GTPBP6: variants seen among roughly 807,000 people sequenced by gnomAD.
The protein encoded by GTPBP6 is GTP binding protein 6.
A neutral mutation model predicts 28.9 loss-of-function variants in GTPBP6; 33 were observed. That is an observed-to-expected ratio of 1.14 (90% confidence interval 0.87 to 1.53). The LOEUF (loss-of-function observed/expected upper bound fraction) is 1.53. Ranked by LOEUF, GTPBP6 falls within the 40% of genes most tolerant of loss-of-function variation. GTPBP6 has a pLI of 0.00. For synonymous variants in GTPBP6, 231 were observed against 192.7 expected (o/e 1.20, Z -1.65); for missense variants, 507 against 408.3 (o/e 1.24, Z -2.08).
exon 10 of GTPBP6, chrX:305,043 C>T: frequency 6.2e-7 from 1 of 1,608,790 alleles, no homozygotes; most frequent in South Asian, 1.1e-5. Context: ...GCAGCGATGC[C>T]CCCACCCCGC....
chrX:317,724 C>G (rs1292681841), intron 1 of GTPBP6, among the ~76,000 whole-genome samples: 3 of 119,856 alleles, frequency 2.5e-5, no homozygotes, highest in Admixed American at 8.3e-5. Flanking sequence ...CCACCCCACC[C>G]CACCCCACGG....
intron 7 of GTPBP6, 140 bp downstream of exon 7, chrX:311,275 CTGGG>C: frequency 2.4e-6 from 1 of 418,382 alleles, no homozygotes; most frequent in African/African-American, 3.1e-5. Flanking sequence ...GGCCTGGCCC[CTGGG>C]CTGAGTGGGT....
intron 3 of GTPBP6, 72 bp downstream of exon 3, chrX:315,157 G>A (rs1234901319): frequency 1.5e-4 from 57 of 368,498 alleles, no homozygotes; most frequent in African/African-American, 6.1e-4. Context: ...CCGCCTGGCC[G>A]GACGCCGTGG....
At chrX:305,051 C>G in exon 10 of GTPBP6, 1 of 1,609,996 alleles carries the variant, frequency 6.2e-7, no homozygotes, top group Non-Finnish European at 8.5e-7. Context: ...GCCCCCACCC[C>G]GCAGGCCTCT....
chrX:311,608 C>T, exon 7 of GTPBP6: 1 of 1,612,070 alleles, frequency 6.2e-7, no homozygotes, highest in South Asian at 1.1e-5. Flanking sequence ...CCGTCAGTGC[C>T]TTGATCAGCG....
At chrX:312,659 G>T in intron 6 of GTPBP6, 107 bp downstream of exon 6, 1 of 1,180,874 alleles carries the variant, frequency 8.5e-7, no homozygotes, top group Non-Finnish European at 1.2e-6. Flanking sequence ...CACCGCAGCT[G>T]TCGTACGGCA....
At chrX:315,198 G>C (rs1175924488) in intron 3 of GTPBP6, 31 bp downstream of exon 3, 1 of 398,520 alleles carries the variant, frequency 2.5e-6, no homozygotes, top group African/African-American at 2.1e-5. Flanking sequence ...GGAGTGCGGG[G>C]ACAAACACAG....
At position 311,662 on chromosome X, in the gene GTPBP6, T is replaced by TC. The variant is rs2124460219; in HGVS notation, c.917-36dup. The TC allele has an allele frequency of 2.6e-6, 4 of 1,521,788 alleles. No homozygotes were observed. In the East Asian group the frequency reaches 6.7e-5, roughly 26 times the overall value. The allele number at this position is 1,521,788 out of a possible 1,614,324, so 94.3% of individuals were successfully genotyped here. ...CGTGGAGGTCAGGGCGCTGCAGAGATCCCTGCGTCCCAACTCCTAGCGCCG... is the reference window on the plus strand; with the variant it reads ...CGTGGAGGTCAGGGCGCTGCAGAGATCCCCTGCGTCCCAACTCCTAGCGCCG... On this transcript the variant is annotated intron_variant, in intron 6 of 9. Transcript: ENST00000326153.
chrX:305,131 C>A, exon 10 of GTPBP6: 1 of 1,613,556 alleles, frequency 6.2e-7, no homozygotes, highest in Non-Finnish European at 8.5e-7. Context: ...TGATGACCCT[C>A]ACGTCGGCCG....
At chrX:314,391 C>T (rs1013772743) in intron 4 of GTPBP6, among the ~76,000 whole-genome samples, 174 bp from the exon 5 acceptor site, 1 of 152,100 alleles carries the variant, frequency 6.6e-6, no homozygotes, top group Admixed American at 6.5e-5. Flanking sequence ...GTGTCCCGGG[C>T]CGAGGGGACC....
At chrX:307,079 T>C (rs2070185773) in intron 9 of GTPBP6, among the ~76,000 whole-genome samples, 1 of 151,682 alleles carries the variant, frequency 6.6e-6, no homozygotes, top group Admixed American at 6.6e-5. Context: ...TAGGCACCCG[T>C]TGTATGCAGT....
In GTPBP6 at chrX:314,288, G is replaced by A. The variant is rs2070382748; in HGVS notation, c.690-71C>T. 6 of 1,281,134 alleles carry A rather than the reference G, an allele frequency of 4.7e-6. No individual in the cohort carries two copies. In the East Asian group the frequency reaches 9.3e-5, roughly 20 times the overall value. The allele number at this position is 1,281,134 out of a possible 1,614,324, so 79.4% of individuals were successfully genotyped here. A position where few individuals can be genotyped will look rare whatever the true frequency, so the allele number is the denominator to read the frequency against. On this transcript the variant is annotated intron_variant, in intron 4 of 9. Transcript: ENST00000326153. ...CCTCCCGGCAGAGGTCGAGGTGAAG[G>A]TGAAGGGGGCACTGAGCTGGGCCTC... is the stretch of plus-strand genomic sequence containing the variant.
In GTPBP6 at chrX:309,108, C is replaced by G. The variant is rs568901585; in HGVS notation, c.1126-1228G>C. ...CCCATCTCCTCAAGGAGGTGGCAGC[C>G]GCGTCCGTTCTTTGGGACATTTGCT... On this transcript the variant is annotated intron_variant, in intron 7 of 9. Coordinates refer to ENST00000326153, the Ensembl canonical transcript of GTPBP6. Among the ~76,000 whole-genome samples, 4 of 152,208 alleles carry G rather than the reference C, an allele frequency of 2.6e-5. No homozygotes were observed. In the East Asian group the frequency reaches 7.7e-4, roughly 29 times the overall value.
At chrX:310,761 G>A (rs1056298786) in intron 7 of GTPBP6, among the ~76,000 whole-genome samples, 8 of 152,078 alleles carry the variant, frequency 5.3e-5, no homozygotes, top group East Asian at 3.8e-4. Context: ...GTCAGCTCCC[G>A]CTTTCTGGAA....
chrX:317,340 T>G (rs1483741449), intron 1 of GTPBP6, among the ~76,000 whole-genome samples: 2 of 151,800 alleles, frequency 1.3e-5, no homozygotes, highest in Non-Finnish European at 2.9e-5. Flanking sequence ...GCTCAGGGGA[T>G]TACTGAGGAA....
At chrX:307,078 G>A (rs1257441339) in intron 9 of GTPBP6, among the ~76,000 whole-genome samples, 2 of 150,780 alleles carry the variant, frequency 1.3e-5, no homozygotes, top group Non-Finnish European at 1.5e-5. Flanking sequence ...TTAGGCACCC[G>A]TTGTATGCAG....
chrX:318,692 G>T (rs1187185664), exon 1 of GTPBP6: 1 of 384,282 alleles, frequency 2.6e-6, no homozygotes, highest in Admixed American at 4.5e-5. Flanking sequence ...GCGCGCGCGC[G>T]GGGCAGGACG....
chrX:305,712 C>A (rs2070147828), intron 9 of GTPBP6, among the ~76,000 whole-genome samples: 1 of 149,772 alleles, frequency 6.7e-6, no homozygotes, highest in South Asian at 2.1e-4. Flanking sequence ...GCAACCTCGG[C>A]CTCCTGGGTT....
chrX:314,195 C>A (rs187265129), exon 5 of GTPBP6: 1 of 1,613,110 alleles, frequency 6.2e-7, no homozygotes. Context: ...TACAGGTGGG[C>A]GACGTCCCTT....
Sources: gnomAD v4.1 joint callset for allele counts (sites outside exome capture counted in the v4.1 genomes callset) on GRCh38, gnomAD v4.1.1 for gene constraint, MANE v1.5 for transcripts, NCBI Gene and HGNC (gene_info 2026-07-23, HGNC 2026-07-21) for gene names.